The following ADGRB3 variants were observed in gnomAD, a reference collection of about 807,000 sequenced individuals.
ADGRB3 encodes brain-specific angiogenesis inhibitor 3.
Under a neutral mutation model 193.4 loss-of-function variants are expected in ADGRB3, and 37 were observed. The ratio of observed to expected loss-of-function variants is 0.19; its 90% confidence interval spans 0.15 to 0.25. The LOEUF is 0.25. Among genes scored for constraint, ADGRB3 ranks in the 10% least tolerant of loss-of-function variants. ADGRB3 has a pLI of 1.00. For missense variants in ADGRB3, 1,637 were observed against 1,852.9 expected, an observed-to-expected ratio of 0.88 and a Z score of 2.14; for synonymous variants, 690 against 644.2, an observed-to-expected ratio of 1.07 and a Z score of -1.08.
intron 3 of ADGRB3, among the ~76,000 whole-genome samples, chr6:68,698,872 G>C (rs1431843906): frequency 6.6e-6 from 1 of 151,976 alleles, no homozygotes; most frequent in Non-Finnish European, 1.5e-5. Flanking sequence ...TGCTATCTTA[G>C]ATGTGTTGAT....
At chr6:69,299,876 A>ATT (rs928966043) in intron 20 of ADGRB3, among the ~76,000 whole-genome samples, 2 of 151,618 alleles carry the variant, frequency 1.3e-5, no homozygotes, top group Admixed American at 6.6e-5. Flanking sequence ...GTCTTTTGTG[A>ATT]TTCCATTTAA....
At chr6:69,225,225 T>C (rs546734805) in intron 17 of ADGRB3, among the ~76,000 whole-genome samples, 3 of 152,334 alleles carry the variant, frequency 2.0e-5, no homozygotes, top group African/African-American at 4.8e-5. Context: ...ATCTGACCCC[T>C]CTGCTAAAAT....
At chr6:69,202,472 G>GGA (rs140802125) in intron 17 of ADGRB3, among the ~76,000 whole-genome samples, 18 of 151,822 alleles carry the variant, frequency 1.2e-4, no homozygotes, top group Admixed American at 3.9e-4. Flanking sequence ...AGAGAGAGAC[G>GGA]GAGAGAGAGA....
At chr6:68,879,933 T>C (rs1410388959) in intron 3 of ADGRB3, among the ~76,000 whole-genome samples, 2 of 152,230 alleles carry the variant, frequency 1.3e-5, no homozygotes, top group African/African-American at 4.8e-5. Context: ...GCTTTCACTC[T>C]TTCCACTAGC....
rs116521593 is a variant in ADGRB3, at chr6:68,693,725, T to G, written c.757+54293T>G. On this transcript the variant is annotated intron_variant, in intron 3 of 31. Transcript: ENST00000370598. ...ACCAAATGAAATGAGTGAAATAAAC[T>G]GTCAGGCCTGAGGTCTGACTATCTA... Among the ~76,000 whole-genome samples the G allele has an allele frequency of 3.1e-3, 477 of 152,142 alleles. 8 individuals carry two copies. Among genetic ancestry groups the G allele is most frequent in the African/African-American group, 8.5e-3 (355 of 41,532 alleles).
intron 11 of ADGRB3, among the ~76,000 whole-genome samples, chr6:69,009,978 A>G (rs1395542268): frequency 6.6e-6 from 1 of 152,192 alleles, no homozygotes; most frequent in East Asian, 1.9e-4. Context: ...ATGCCAGTCA[A>G]AAGTAAAAAC....
intron 21 of ADGRB3, 93 bp from the exon 22 acceptor site, chr6:69,327,725 AAT>A: frequency 2.1e-6 from 2 of 935,932 alleles, no homozygotes; most frequent in South Asian, 2.3e-5. Flanking sequence ...TAGTTTATCT[AAT>A]TTGAGCACCT....
chr6:69,094,639 T>G (rs1447242245), intron 17 of ADGRB3, among the ~76,000 whole-genome samples: 3 of 152,220 alleles, frequency 2.0e-5, no homozygotes, highest in African/African-American at 7.2e-5. Context: ...CTACCAAATG[T>G]GTTTATTTTC....
chr6:69,369,901 G>A (rs1769670653), intron 29 of ADGRB3, among the ~76,000 whole-genome samples: 1 of 151,980 alleles, frequency 6.6e-6, no homozygotes. Context: ...ACAAGTAAAA[G>A]TTAACCTGCT....
At chr6:69,062,269 A>T (rs1191116461) in intron 15 of ADGRB3, among the ~76,000 whole-genome samples, 1 of 151,880 alleles carries the variant, frequency 6.6e-6, no homozygotes, top group African/African-American at 2.4e-5. Flanking sequence ...TTTCTTGTAA[A>T]CTATAGATAT....
intron 3 of ADGRB3, among the ~76,000 whole-genome samples, chr6:68,878,036 G>A (rs1765638476): frequency 6.6e-6 from 1 of 152,056 alleles, no homozygotes. Context: ...AGAGACTCAT[G>A]TCAGCTTTTC....
At chr6:68,851,716 T>C (rs1768406675) in intron 3 of ADGRB3, among the ~76,000 whole-genome samples, 1 of 151,926 alleles carries the variant, frequency 6.6e-6, no homozygotes, top group Non-Finnish European at 1.5e-5. Context: ...CAATCTATCA[T>C]TTTAAATTTA....
At chr6:68,779,250 G>GTGTT (rs1478623706) in intron 3 of ADGRB3, among the ~76,000 whole-genome samples, 1 of 151,374 alleles carries the variant, frequency 6.6e-6, no homozygotes, top group Non-Finnish European at 1.5e-5. Context: ...GTGTGTGTGT[G>GTGTT]TGTGTGTGTG....
At chr6:69,256,753 G>A (rs1766782051) in intron 20 of ADGRB3, among the ~76,000 whole-genome samples, 1 of 152,174 alleles carries the variant, frequency 6.6e-6, no homozygotes, top group Admixed American at 6.5e-5. Context: ...GAATAGGAGT[G>A]GTGAGAGAGG....
chr6:69,062,816 G>A (rs1397747258), intron 15 of ADGRB3, 118 bp from the exon 16 acceptor site: 7 of 677,944 alleles, frequency 1.0e-5, no homozygotes, highest in South Asian at 2.1e-5. Flanking sequence ...ATAATACTAC[G>A]ATTTATGTTT....
chr6:69,255,776 C>A (rs1451899138), intron 20 of ADGRB3, among the ~76,000 whole-genome samples: 1 of 152,064 alleles, frequency 6.6e-6, no homozygotes, highest in Middle Eastern at 3.2e-3. Flanking sequence ...AAGTCCTTGC[C>A]CATGCCTATG....
In ADGRB3 at chr6:68,847,856, G is replaced by T. The variant is rs527599244; in HGVS notation, c.758-82703G>T. Reference sequence around the variant, plus strand: ...AAAATGTAGAAAGTAAGTTCAGAAGGAAGTAGTAGAAGATTGTTTTTTGAA... The same window carrying T: ...AAAATGTAGAAAGTAAGTTCAGAAGTAAGTAGTAGAAGATTGTTTTTTGAA... On this transcript the variant is annotated intron_variant, in intron 3 of 31. Coordinates refer to ENST00000370598, the MANE Select transcript of ADGRB3 (RefSeq NM_001704.3). 8.6e-5 allele frequency among the ~76,000 whole-genome samples: 13 copies of T among 152,028 alleles called. No individual in the cohort carries two copies. The South Asian group carries it at 2.7e-3, about 32-fold the overall frequency.
chr6:68,928,410 T>G (rs1414524716), intron 3 of ADGRB3, among the ~76,000 whole-genome samples: 1 of 152,044 alleles, frequency 6.6e-6, no homozygotes, highest in African/African-American at 2.4e-5. Context: ...TGGTGCTTGT[T>G]GTCTTAGCTA....
intron 15 of ADGRB3, among the ~76,000 whole-genome samples, chr6:69,051,331 A>AT (rs955448149): frequency 2.0e-5 from 3 of 152,106 alleles, no homozygotes; most frequent in Non-Finnish European, 4.4e-5. Context: ...TGAACTTAAA[A>AT]TTTTTTTCAC....
Sources: allele counts gnomAD v4.1 joint callset (sites outside exome capture counted in the v4.1 genomes callset), GRCh38; gene constraint gnomAD v4.1.1; transcripts MANE v1.5; gene names NCBI Gene and HGNC (gene_info 2026-07-23, HGNC 2026-07-21).